Variants in UNC13C observed in about 807,000 individuals in gnomAD.
UNC13C encodes protein unc-13 homolog C.
In UNC13C, 174 loss-of-function variants were observed where a neutral mutation model predicts 245.4. The observed-to-expected ratio is 0.71, with a 90% CI of 0.63 to 0.80. UNC13C has a LOEUF of 0.80. Among genes scored for constraint, UNC13C ranks in the 30% least tolerant of loss-of-function variants. The pLI is 0.00. For missense variants in UNC13C, 2,829 were observed against 2,602.9 expected (o/e 1.09, Z -1.89); for synonymous variants, 992 against 895.1 (o/e 1.11, Z -1.93).
chr15:54,559,552 G>A (rs1897219550), intron 29 of UNC13C, among the ~76,000 whole-genome samples: 1 of 151,996 alleles, frequency 6.6e-6, no homozygotes, highest in Admixed American at 6.6e-5. Flanking sequence ...GAGCAATGAG[G>A]AGGTGGTTGG....
intron 4 of UNC13C, among the ~76,000 whole-genome samples, chr15:54,222,010 CAT>C (rs1437382403): frequency 1.3e-5 from 2 of 152,008 alleles, no homozygotes; most frequent in Admixed American, 1.3e-4. Flanking sequence ...AGATACATGA[CAT>C]ATTTTGATAC....
chr15:54,506,219 T>C (rs1894467074), intron 22 of UNC13C, among the ~76,000 whole-genome samples: 1 of 152,134 alleles, frequency 6.6e-6, no homozygotes, highest in African/African-American at 2.4e-5. Context: ...AGGTTTATGG[T>C]TTGTGTTTAT....
the UNC13C span, among the ~76,000 whole-genome samples, chr15:53,940,256 C>A: frequency 6.6e-6 from 1 of 151,890 alleles, no homozygotes; most frequent in Non-Finnish European, 1.5e-5. Context: ...TGGTTTGTCC[C>A]TAACCGTTGT....
chr15:54,357,917 C>T (rs1049780636), intron 17 of UNC13C, among the ~76,000 whole-genome samples: 4 of 151,946 alleles, frequency 2.6e-5, no homozygotes, highest in African/African-American at 9.7e-5. Flanking sequence ...ATACATTAAT[C>T]TTTATTATTA....
At chr15:53,915,316 G>A in the UNC13C span, among the ~76,000 whole-genome samples, 1 of 152,166 alleles carries the variant, frequency 6.6e-6, no homozygotes, top group South Asian at 2.1e-4. Context: ...CTTTGGAATA[G>A]ATTAAAAAGA....
intron 4 of UNC13C, among the ~76,000 whole-genome samples, chr15:54,213,144 T>C (rs1382412707): frequency 6.6e-6 from 1 of 152,056 alleles, no homozygotes; most frequent in Non-Finnish European, 1.5e-5. Flanking sequence ...TGTTTTTGCT[T>C]TAGTAAGAAG....
At chr15:53,865,822 A>G in the UNC13C span, among the ~76,000 whole-genome samples, 1 of 152,156 alleles carries the variant, frequency 6.6e-6, no homozygotes, top group Non-Finnish European at 1.5e-5. Context: ...ATGGATATAG[A>G]AGTTTTATAA....
intron 10 of UNC13C, among the ~76,000 whole-genome samples, chr15:54,268,591 C>T (rs2036606778): frequency 6.6e-6 from 1 of 152,092 alleles, no homozygotes; most frequent in Non-Finnish European, 1.5e-5. Flanking sequence ...ACTTAAGTTA[C>T]ATGGAAATAT....
chr15:54,453,005 G>A (rs543920049), intron 19 of UNC13C, among the ~76,000 whole-genome samples: 1 of 152,296 alleles, frequency 6.6e-6, no homozygotes, highest in South Asian at 2.1e-4. Context: ...CCCAGGACAG[G>A]ATGCATTCTG....
intron 10 of UNC13C, among the ~76,000 whole-genome samples, chr15:54,274,658 TA>T (rs1490649601): frequency 1.5e-5 from 2 of 135,758 alleles, no homozygotes; most frequent in Admixed American, 7.5e-5. Context: ...AAAAAGCTAA[TA>T]AAGTAGACTT....
In UNC13C at chr15:54,627,993, A is replaced by T. The variant is rs1901293729; in HGVS notation, c.*880A>T. Reference sequence around the variant, plus strand: ...ATAATCAGTTCAATGCTTTATTTTTAAAAATATTCAATGATTAGTATTGAA... The same window carrying T: ...ATAATCAGTTCAATGCTTTATTTTTTAAAATATTCAATGATTAGTATTGAA... On this transcript the variant is annotated 3_prime_UTR_variant, in exon 33 of 33. Transcript: ENST00000260323. 6.6e-6 allele frequency: 1 copy of T among 152,400 alleles called. No homozygotes were observed. Among genetic ancestry groups the T allele is most frequent in the South Asian group, 2.1e-4 (1 of 4,830 alleles). 9.4% of individuals were successfully genotyped at this position (152,400 alleles called of 1,614,324 possible). A position where few individuals can be genotyped will look rare whatever the true frequency, so the allele number is the denominator to read the frequency against.
chr15:54,481,000 A>T (rs1352386916), intron 19 of UNC13C, among the ~76,000 whole-genome samples: 1 of 152,176 alleles, frequency 6.6e-6, no homozygotes, highest in African/African-American at 2.4e-5. Context: ...ATGTATTCTC[A>T]TGAGGACTTG....
At chr15:54,151,293 ATTT>A (rs1567051798) in intron 4 of UNC13C, among the ~76,000 whole-genome samples, 2 of 152,104 alleles carry the variant, frequency 1.3e-5, no homozygotes, top group African/African-American at 4.8e-5. Flanking sequence ...CCCAAATCAC[ATTT>A]TTTACTTCCA....
intron 2 of UNC13C, among the ~76,000 whole-genome samples, chr15:54,125,139 A>C (rs1231999885): frequency 6.6e-6 from 1 of 152,072 alleles, no homozygotes; most frequent in Non-Finnish European, 1.5e-5. Flanking sequence ...TTTCCATATA[A>C]GTTTCGGAGA....
chr15:54,166,820 A>G (rs953760138), intron 4 of UNC13C, among the ~76,000 whole-genome samples: 2 of 152,210 alleles, frequency 1.3e-5, no homozygotes, highest in Non-Finnish European at 2.9e-5. Flanking sequence ...AGAAACATTT[A>G]TGAGGGAAGT....
intron 17 of UNC13C, among the ~76,000 whole-genome samples, chr15:54,345,408 G>T (rs1452432597): frequency 6.6e-6 from 1 of 152,078 alleles, no homozygotes; most frequent in African/African-American, 2.4e-5. Context: ...GGGTCATGTG[G>T]CAGGATCCCA....
chr15:54,069,698 C>T (rs953105182), intron 2 of UNC13C, among the ~76,000 whole-genome samples: 19 of 152,162 alleles, frequency 1.2e-4, no homozygotes, highest in Non-Finnish European at 2.6e-4. Context: ...CTCAGAAAAA[C>T]ATAATTTGTT....
intron 4 of UNC13C, among the ~76,000 whole-genome samples, chr15:54,182,951 C>T (rs1405729048): frequency 6.6e-6 from 1 of 151,936 alleles, no homozygotes; most frequent in African/African-American, 2.4e-5. Flanking sequence ...TATTATGTTT[C>T]ATTCATTGTT....
intron 16 of UNC13C, among the ~76,000 whole-genome samples, chr15:54,336,519 C>T (rs2038581309): frequency 6.6e-6 from 1 of 151,138 alleles, no homozygotes; most frequent in South Asian, 2.1e-4. Context: ...GGATAATGCT[C>T]TTGGTTAAAC....
Sources: allele counts gnomAD v4.1 joint callset (sites outside exome capture counted in the v4.1 genomes callset), GRCh38; gene constraint gnomAD v4.1.1; transcripts MANE v1.5; gene names NCBI Gene and HGNC (gene_info 2026-07-23, HGNC 2026-07-21).